Variants in MACROD2 observed in about 807,000 individuals in gnomAD.
MACROD2 encodes mono-ADP ribosylhydrolase 2.
A neutral mutation model predicts 70.4 loss-of-function variants in MACROD2; 36 were observed. The ratio of observed to expected loss-of-function variants is 0.51; its 90% CI spans 0.39 to 0.68. MACROD2 has a LOEUF of 0.68. Among genes scored for constraint, MACROD2 ranks in the 30% least tolerant of loss-of-function variants. MACROD2 has a pLI of 0.00. For missense variants in MACROD2, 496 were observed against 538.4 expected, an observed-to-expected ratio of 0.92 and a Z score of 0.78; for synonymous variants, 172 against 178.8, an observed-to-expected ratio of 0.96 and a Z score of 0.30.
At chr20:15,324,536 C>A (rs1434031161) in intron 6 of MACROD2, among the ~76,000 whole-genome samples, 1 of 152,184 alleles carries the variant, frequency 6.6e-6, no homozygotes. Context: ...ATGGCATAGA[C>A]CCTGCAATTA....
At chr20:14,770,488 A>G (rs2072150923) in intron 5 of MACROD2, among the ~76,000 whole-genome samples, 1 of 152,148 alleles carries the variant, frequency 6.6e-6, no homozygotes, top group African/African-American at 2.4e-5. Context: ...ACTGAGGTTC[A>G]AATAGCTCTC....
chr20:14,799,665 T>C (rs2072551011), intron 5 of MACROD2, among the ~76,000 whole-genome samples: 1 of 152,064 alleles, frequency 6.6e-6, no homozygotes, highest in Non-Finnish European at 1.5e-5. Context: ...GATAGTATGC[T>C]CTGCTTCTTG....
intron 15 of MACROD2, among the ~76,000 whole-genome samples, chr20:16,024,286 G>T (rs538151594): frequency 6.6e-6 from 1 of 152,122 alleles, no homozygotes; most frequent in Non-Finnish European, 1.5e-5. Flanking sequence ...AATCCTCTCT[G>T]TCTGAATGTG....
intron 8 of MACROD2, among the ~76,000 whole-genome samples, chr20:15,503,874 T>A (rs1335854452): frequency 3.9e-5 from 6 of 152,188 alleles, no homozygotes; most frequent in African/African-American, 4.8e-5. Context: ...AAAAGAGGAA[T>A]CTATGTAATG....
rs534102034 is a variant in MACROD2 at position 14,312,535 on chromosome 20, A to G, written c.272-180944A>G. On this transcript the variant is annotated intron_variant, in intron 3 of 17. Coordinates refer to ENST00000684519, the MANE Select transcript of MACROD2 (RefSeq NM_001351661.2). ...TTCTAATGTTTTTCATGTATCTATT[A>G]CTATTAATATAGAGAGACGAAATAA... Among the ~76,000 whole-genome samples the G allele has an allele frequency of 7.7e-4, 118 of 152,300 alleles. 1 individual carries two copies. In the Middle Eastern group the frequency reaches 0.01, roughly 13 times the overall value.
intron 4 of MACROD2, among the ~76,000 whole-genome samples, chr20:14,527,141 G>A (rs919924626): frequency 6.6e-6 from 1 of 152,186 alleles, no homozygotes; most frequent in African/African-American, 2.4e-5. Context: ...CGTTCTGCTG[G>A]TTGGTGGCCT....
intron 3 of MACROD2, among the ~76,000 whole-genome samples, chr20:14,208,127 T>C (rs752662859): frequency 1.2e-4 from 18 of 152,168 alleles, no homozygotes; most frequent in Non-Finnish European, 1.6e-4. Flanking sequence ...AGGTCCATGA[T>C]GTTGATCCTG....
intron 3 of MACROD2, among the ~76,000 whole-genome samples, chr20:14,435,895 C>T (rs147716355): frequency 4.1e-4 from 62 of 152,082 alleles, no homozygotes; most frequent in South Asian, 1.5e-3. Flanking sequence ...TTGGTAGAAA[C>T]GGGGTTTCCC....
Position 14,039,797 on chromosome 20 carries a change from T to C in MACROD2, c.163+37393T>C, listed in dbSNP as rs1022419312. Among the ~76,000 whole-genome samples, 13 of 143,822 alleles carry C rather than the reference T, an allele frequency of 9.0e-5. No individual in the cohort carries two copies. The South Asian group carries it at 2.9e-3, about 32-fold the overall frequency. 94.4% of individuals were successfully genotyped at this position (143,822 alleles called of 152,430 possible). A position where few individuals can be genotyped will look rare whatever the true frequency, so the allele number is the denominator to read the frequency against. ...AAATACTGAGCTTAGGGCTTGAATT[T>C]GCCATCTGTTTTTTTTTTTTTATTA... On this transcript the variant is annotated intron_variant, in intron 2 of 17. Transcript: ENST00000684519.
chr20:14,391,274 T>C (rs887567881), intron 3 of MACROD2, among the ~76,000 whole-genome samples: 10 of 152,172 alleles, frequency 6.6e-5, no homozygotes, highest in African/African-American at 2.4e-4. Flanking sequence ...TGTTACATCA[T>C]AGAATACTAT....
chr20:14,735,997 C>T (rs1003054001), intron 5 of MACROD2, among the ~76,000 whole-genome samples: 2 of 152,108 alleles, frequency 1.3e-5, no homozygotes, highest in Non-Finnish European at 2.9e-5. Context: ...GAACTGAAAA[C>T]AGGTGTTCAA....
intron 4 of MACROD2, among the ~76,000 whole-genome samples, chr20:14,618,638 G>A (rs1333150259): frequency 6.6e-6 from 1 of 152,138 alleles, no homozygotes; most frequent in Non-Finnish European, 1.5e-5. Context: ...AAACAAGGTG[G>A]AATCATGGGG....
At chr20:15,313,847 C>G (rs2077780235) in intron 6 of MACROD2, among the ~76,000 whole-genome samples, 1 of 152,186 alleles carries the variant, frequency 6.6e-6, no homozygotes, top group African/African-American at 2.4e-5. Context: ...CAGACTAATA[C>G]ATTTTAAAAT....
chr20:15,236,541 T>C (rs2077015356), intron 6 of MACROD2, among the ~76,000 whole-genome samples: 1 of 152,198 alleles, frequency 6.6e-6, no homozygotes, highest in African/African-American at 2.4e-5. Flanking sequence ...GTTTTAGTCA[T>C]TAATTCTCAA....
chr20:14,464,898 G>C (rs1445636955), intron 3 of MACROD2, among the ~76,000 whole-genome samples: 1 of 152,136 alleles, frequency 6.6e-6, no homozygotes, highest in Non-Finnish European at 1.5e-5. Context: ...TGGTCTGAGA[G>C]ACAGTTTGTT....
chr20:14,554,345 G>A (rs1490278733), intron 4 of MACROD2: 1 of 152,180 alleles, frequency 6.6e-6, no homozygotes, highest in Non-Finnish European at 1.5e-5. Flanking sequence ...AGAATGTGGT[G>A]TGCTGTGCTG....
Position 14,819,979 on chromosome 20 carries a change from T to C in MACROD2, c.418+135020T>C, listed in dbSNP as rs756347175. On this transcript the variant is annotated intron_variant, in intron 5 of 17. Transcript: ENST00000684519. ...CCTCTGGCTCTGGTGTGTGGGCAGATTGAAGAGGAATATACCAAATGAAAG... is the reference window on the plus strand; with the variant it reads ...CCTCTGGCTCTGGTGTGTGGGCAGACTGAAGAGGAATATACCAAATGAAAG... 3.5e-4 allele frequency among the ~76,000 whole-genome samples: 54 copies of C among 152,126 alleles called. 1 individual carries two copies. Among genetic ancestry groups the C allele is most frequent in the Admixed American group, 8.5e-4 (13 of 15,266 alleles).
chr20:15,428,193 A>G (rs2046322895), intron 6 of MACROD2, among the ~76,000 whole-genome samples: 1 of 152,212 alleles, frequency 6.6e-6, no homozygotes, highest in Non-Finnish European at 1.5e-5. Context: ...CAGGCCTCAG[A>G]GTTTCCATTT....
At chr20:15,027,356 C>G (rs2075239925) in intron 5 of MACROD2, among the ~76,000 whole-genome samples, 1 of 152,076 alleles carries the variant, frequency 6.6e-6, no homozygotes, top group South Asian at 2.1e-4. Flanking sequence ...TTTTGGTGTT[C>G]CTGACATAGG....
Sources: gnomAD v4.1 joint callset for allele counts (sites outside exome capture counted in the v4.1 genomes callset) on GRCh38, gnomAD v4.1.1 for gene constraint, MANE v1.5 for transcripts, NCBI Gene and HGNC (gene_info 2026-07-23, HGNC 2026-07-21) for gene names.